The following CXCL13 variants were observed in gnomAD, a reference collection of about 807,000 sequenced individuals.
The protein encoded by CXCL13 is C-X-C motif chemokine ligand 13.
CXCL13 carries 7 observed loss-of-function variants against 12.2 expected under a neutral mutation model. That is an observed-to-expected ratio of 0.57 (90% CI 0.33 to 1.07). CXCL13 has a LOEUF of 1.07. Among genes scored for constraint, CXCL13 ranks in the 50% least tolerant of loss-of-function variants. The probability of loss-of-function intolerance (pLI) is 0.04; values close to 1 mark genes in which losing one functional copy is unlikely to be tolerated. For synonymous variants in CXCL13, 47 were observed against 42.4 expected, an observed-to-expected ratio of 1.11 and a Z score of -0.42; for missense variants, 113 against 127.4, an observed-to-expected ratio of 0.89 and a Z score of 0.55.
intron 1 of CXCL13, among the ~76,000 whole-genome samples, chr4:77,574,276 GCCTAGAACT>G (rs994993845): frequency 2.5e-4 from 38 of 151,882 alleles, no homozygotes; most frequent in African/African-American, 9.2e-4. Flanking sequence ...ATTTCTGACA[GCCTAGAACT>G]CCTTGGGATA....
At chr4:77,602,283 A>G (rs57024191), upstream of CXCL13, among the ~76,000 whole-genome samples, 5,423 of 152,290 alleles carry the variant, frequency 0.036, 302 homozygotes, top group African/African-American at 0.12. Context: ...GTCAGTGAGT[A>G]CTGACATCTA....
At chr4:77,525,818 C>A (rs1055353472) in intron 1 of CXCL13, among the ~76,000 whole-genome samples, 1 of 151,928 alleles carries the variant, frequency 6.6e-6, no homozygotes, top group Non-Finnish European at 1.5e-5. Flanking sequence ...ATGGTCATGG[C>A]CATGATGGTG....
At chr4:77,586,439 G>A (rs1412182239) in intron 1 of CXCL13, among the ~76,000 whole-genome samples, 1 of 152,148 alleles carries the variant, frequency 6.6e-6, no homozygotes, top group Non-Finnish European at 1.5e-5. Flanking sequence ...ACGTTTTTGA[G>A]CAAAGTTTAC....
At chr4:77,550,179 C>A (rs1039893327) in intron 1 of CXCL13, among the ~76,000 whole-genome samples, 1 of 152,208 alleles carries the variant, frequency 6.6e-6, no homozygotes, top group Non-Finnish European at 1.5e-5. Context: ...TAGTGTGCCA[C>A]TTGCTAAGAC....
At chr4:77,538,221 G>T (rs370262010) in intron 1 of CXCL13, among the ~76,000 whole-genome samples, 1 of 152,148 alleles carries the variant, frequency 6.6e-6, no homozygotes, top group Non-Finnish European at 1.5e-5. Flanking sequence ...AGGTGCCTCA[G>T]TTCATGACTA....
At chr4:77,554,649 A>T (rs1331543840) in intron 1 of CXCL13, among the ~76,000 whole-genome samples, 1 of 152,130 alleles carries the variant, frequency 6.6e-6, no homozygotes, top group Non-Finnish European at 1.5e-5. Context: ...TAACATATAC[A>T]TTATTTTCAG....
chr4:77,592,920 T>C (rs1313840580), intron 1 of CXCL13, among the ~76,000 whole-genome samples: 1 of 152,230 alleles, frequency 6.6e-6, no homozygotes, highest in African/African-American at 2.4e-5. Context: ...TTTTGAATGC[T>C]GGGCAGCTAA....
At chr4:77,597,066 G>A (rs1192525586) in intron 1 of CXCL13, among the ~76,000 whole-genome samples, 2 of 152,138 alleles carry the variant, frequency 1.3e-5, no homozygotes, top group East Asian at 1.9e-4. Context: ...GACACATAAA[G>A]AAGCATATTG....
chr4:77,568,164 C>T (rs999133888), intron 1 of CXCL13, among the ~76,000 whole-genome samples: 1 of 152,202 alleles, frequency 6.6e-6, no homozygotes, highest in Non-Finnish European at 1.5e-5. Context: ...CTGATCAGCA[C>T]CATTCAGACC....
chr4:77,547,902 T>C (rs545948206), intron 1 of CXCL13, among the ~76,000 whole-genome samples: 2 of 152,322 alleles, frequency 1.3e-5, no homozygotes, highest in East Asian at 3.9e-4. Flanking sequence ...AGTGCTTCCT[T>C]CAGGAGCTCT....
intron 1 of CXCL13, among the ~76,000 whole-genome samples, chr4:77,560,691 C>T (rs904772865): frequency 3.3e-5 from 5 of 152,166 alleles, no homozygotes; most frequent in Non-Finnish European, 7.4e-5. Flanking sequence ...TTAGTATCTT[C>T]ATATATGTTT....
At chr4:77,576,297 A>G (rs1578061515) in intron 1 of CXCL13, among the ~76,000 whole-genome samples, 1 of 152,216 alleles carries the variant, frequency 6.6e-6, no homozygotes. Flanking sequence ...TTTGTTCTTC[A>G]GAGTCAAGGA....
chr4:77,594,437 G>A (rs945412753), intron 1 of CXCL13, among the ~76,000 whole-genome samples: 10 of 152,234 alleles, frequency 6.6e-5, no homozygotes, highest in Middle Eastern at 3.4e-3. Flanking sequence ...ACAATAGGCT[G>A]GTCAGGAAGT....
intron 1 of CXCL13, among the ~76,000 whole-genome samples, chr4:77,575,730 C>G (rs1358715058): frequency 1.3e-5 from 2 of 151,672 alleles, no homozygotes; most frequent in Non-Finnish European, 2.9e-5. Context: ...TGACACCTAG[C>G]TTTTTAATGC....
chr4:77,545,556 A>T (rs1381092496), intron 1 of CXCL13, among the ~76,000 whole-genome samples: 7 of 152,134 alleles, frequency 4.6e-5, no homozygotes, highest in Non-Finnish European at 2.9e-5. Flanking sequence ...TTTGTCTGCT[A>T]TTAGTGTATA....
upstream of CXCL13, among the ~76,000 whole-genome samples, chr4:77,600,878 A>C (rs558726818): frequency 2.9e-4 from 44 of 152,282 alleles, no homozygotes; most frequent in South Asian, 3.1e-3. Context: ...TCCTTCATGA[A>C]TATTTCAGCC....
intron 1 of CXCL13, among the ~76,000 whole-genome samples, chr4:77,528,615 T>C (rs1049252435): frequency 6.6e-6 from 1 of 152,240 alleles, no homozygotes; most frequent in Non-Finnish European, 1.5e-5. Flanking sequence ...GCCCACTTTT[T>C]GATGGGCCTG....
intron 1 of CXCL13, among the ~76,000 whole-genome samples, chr4:77,596,557 G>A (rs1223761971): frequency 1.3e-5 from 2 of 152,052 alleles, no homozygotes; most frequent in Non-Finnish European, 2.9e-5. Context: ...GACTGAGGTG[G>A]GCGAATCACC....
At chr4:77,610,861 A>G in intron 3 of CXCL13, 127 bp from the exon 4 acceptor site, 2 of 930,610 alleles carry the variant, frequency 2.1e-6, no homozygotes, top group Non-Finnish European at 3.4e-6. Flanking sequence ...AGCTCATTCC[A>G]GCAGCTCAGT....
Sources: allele counts gnomAD v4.1 joint callset (sites outside exome capture counted in the v4.1 genomes callset), GRCh38; gene constraint gnomAD v4.1.1; transcripts MANE v1.5; gene names NCBI Gene and HGNC (gene_info 2026-07-23, HGNC 2026-07-21).